FBXO11: variants seen among roughly 807,000 people sequenced by gnomAD.
FBXO11 encodes the protein F-box protein 11, also known as F-box only protein 11.
In FBXO11, 13 loss-of-function variants were observed where a neutral mutation model predicts 117.0. The ratio of observed to expected loss-of-function variants is 0.11; its 90% confidence interval spans 0.07 to 0.18. The LOEUF is 0.18. Among genes scored for constraint, FBXO11 ranks in the 10% least tolerant of loss-of-function variants. The pLI, the probability that FBXO11 is intolerant of heterozygous loss-of-function variation, is 1.00. For missense variants in FBXO11, 767 were observed against 1,164.4 expected (o/e 0.66, Z 4.97); for synonymous variants, 490 against 380.5 (o/e 1.29, Z -3.35).
In FBXO11 at chr2:47,813,893, C is replaced by A. The variant is rs772461586; in HGVS notation, c.2007-26G>T. 11 of 1,527,074 alleles carry A rather than the reference C, an allele frequency of 7.2e-6. No individual in the cohort carries two copies. In the Admixed American group the frequency reaches 1.8e-4, roughly 26 times the overall value. 94.6% of individuals were successfully genotyped at this position (1,527,074 alleles called of 1,614,324 possible). On this transcript the variant is annotated intron_variant, in intron 16 of 22. Transcript: ENST00000403359. Reference sequence around the variant, plus strand: ...CTGTAAACAGAATAGACAATAATACCATTTCAATAGCTTCTACTCCCATAT... The same window carrying A: ...CTGTAAACAGAATAGACAATAATACAATTTCAATAGCTTCTACTCCCATAT...
At chr2:47,859,446 G>A (rs996198747) in intron 1 of FBXO11, among the ~76,000 whole-genome samples, 13 of 152,148 alleles carry the variant, frequency 8.5e-5, no homozygotes, top group Non-Finnish European at 1.6e-4. Context: ...TAATTTCACC[G>A]ATTGGTGCTG....
Position 47,807,117 on chromosome 2 carries a change from G to T in FBXO11, c.*1001C>A. The T allele has an allele frequency of 2.1e-6, 1 of 476,142 alleles. No individual in the cohort carries two copies. Among genetic ancestry groups the T allele is most frequent in the Non-Finnish European group, 3.7e-6 (1 of 267,012 alleles). The allele number at this position is 476,142 out of a possible 1,614,324, so 29.5% of individuals were successfully genotyped here. On this transcript the variant is annotated 3_prime_UTR_variant, in exon 23 of 23. Transcript: ENST00000403359. ...CCACTGTCACCAATACACATAAATG[G>T]GGGAGGAAAAGCTATGAAACTGTAT...
chr2:47,852,635 CTT>C (rs1207297502), intron 1 of FBXO11, among the ~76,000 whole-genome samples: 1 of 152,086 alleles, frequency 6.6e-6, no homozygotes, highest in African/African-American at 2.4e-5. Context: ...TCTTTTAAAA[CTT>C]TATTGTATCA....
chr2:47,823,439 G>A, intron 11 of FBXO11, 79 bp from the exon 12 acceptor site: 2 of 1,053,856 alleles, frequency 1.9e-6, no homozygotes, highest in Non-Finnish European at 2.7e-6. Context: ...ACATTTCAAT[G>A]CATATCTAAA....
At chr2:47,829,074 A>G (rs1468568432) in intron 11 of FBXO11, among the ~76,000 whole-genome samples, 1 of 151,804 alleles carries the variant, frequency 6.6e-6, no homozygotes, top group Non-Finnish European at 1.5e-5. Flanking sequence ...GGCACACGCC[A>G]CCACGAGGCA....
At chr2:47,844,783 C>T (rs1673282211) in intron 1 of FBXO11, among the ~76,000 whole-genome samples, 1 of 152,092 alleles carries the variant, frequency 6.6e-6, no homozygotes, top group Non-Finnish European at 1.5e-5. Context: ...TACAGGTGTG[C>T]ACGCCACCAT....
At chr2:47,812,780 T>C (rs548951786) in intron 18 of FBXO11, 2 of 215,206 alleles carry the variant, frequency 9.3e-6, no homozygotes, top group Non-Finnish European at 1.9e-5. Flanking sequence ...AGTTGACCTT[T>C]ATGAATACCA....
At chr2:47,889,550 T>A (rs1234111428) in intron 1 of FBXO11, among the ~76,000 whole-genome samples, 1 of 152,136 alleles carries the variant, frequency 6.6e-6, no homozygotes, top group Non-Finnish European at 1.5e-5. Context: ...AATTCATGTT[T>A]CAAAGTCCTA....
At chr2:47,833,143 A>C (rs1672309514) in intron 7 of FBXO11, 73 bp from the exon 8 acceptor site, 1 of 972,250 alleles carries the variant, frequency 1.0e-6, no homozygotes, top group Non-Finnish European at 1.6e-6. Flanking sequence ...TGGAGGGGGA[A>C]CTTACTAAAA....
intron 1 of FBXO11, among the ~76,000 whole-genome samples, chr2:47,896,375 GCTGGAGTGCAGTGGCTCAATCA>G (rs1352777827): frequency 6.6e-6 from 1 of 150,834 alleles, no homozygotes; most frequent in Non-Finnish European, 1.5e-5. Context: ...TGTCACCCAG[GCTGGAGTGCAGTGGCTCAATCA>G]CAGTTCACTC....
At chr2:47,858,644 T>C (rs1674501700) in intron 1 of FBXO11, among the ~76,000 whole-genome samples, 2 of 139,410 alleles carry the variant, frequency 1.4e-5, no homozygotes, top group Admixed American at 1.5e-4. Context: ...ATCATGTCAT[T>C]GCTCTCCAGC....
At chr2:47,880,042 T>C (rs966844615) in intron 1 of FBXO11, among the ~76,000 whole-genome samples, 1 of 151,976 alleles carries the variant, frequency 6.6e-6, no homozygotes, top group Non-Finnish European at 1.5e-5. Context: ...GTCACCCAGG[T>C]TGGAGTGTAG....
At chr2:47,849,517 C>T (rs1187737880) in intron 1 of FBXO11, among the ~76,000 whole-genome samples, 1 of 152,156 alleles carries the variant, frequency 6.6e-6, no homozygotes, top group Non-Finnish European at 1.5e-5. Flanking sequence ...ATGGACTGTG[C>T]TAGGTATTGG....
At chr2:47,858,349 T>C (rs919353306) in intron 1 of FBXO11, among the ~76,000 whole-genome samples, 28 of 151,832 alleles carry the variant, frequency 1.8e-4, no homozygotes, top group Non-Finnish European at 1.5e-4. Flanking sequence ...TACAGACTGA[T>C]GTCAATAACA....
chr2:47,869,734 G>A (rs377456577), intron 1 of FBXO11, among the ~76,000 whole-genome samples: 2 of 152,370 alleles, frequency 1.3e-5, no homozygotes, highest in African/African-American at 4.8e-5. Flanking sequence ...TTCAAGAAGA[G>A]CAAACCCCAC....
chr2:47,839,297 G>A, intron 3 of FBXO11, 122 bp downstream of exon 3: 1 of 919,624 alleles, frequency 1.1e-6, no homozygotes, highest in Non-Finnish European at 1.6e-6. Context: ...AGTTTATTCT[G>A]TAATAATCAC....
At chr2:47,856,267 CAG>C (rs1674285612) in intron 1 of FBXO11, among the ~76,000 whole-genome samples, 1 of 152,140 alleles carries the variant, frequency 6.6e-6, no homozygotes, top group Non-Finnish European at 1.5e-5. Flanking sequence ...TCCAGACACA[CAG>C]AGACTTATAA....
At chr2:47,818,672 C>A in intron 16 of FBXO11, 107 bp downstream of exon 16, 1 of 722,890 alleles carries the variant, frequency 1.4e-6, no homozygotes, top group Non-Finnish European at 2.4e-6. Flanking sequence ...AATATATATA[C>A]AATAGGGGGA....
chr2:47,822,088 T>A, intron 13 of FBXO11, 130 bp downstream of exon 13: 1 of 678,714 alleles, frequency 1.5e-6, no homozygotes, highest in Non-Finnish European at 2.5e-6. Flanking sequence ...CTCATTTCTT[T>A]AAAAAAGAAA....
Sources: gnomAD v4.1 joint callset for allele counts (sites outside exome capture counted in the v4.1 genomes callset) on GRCh38, gnomAD v4.1.1 for gene constraint, MANE v1.5 for transcripts, NCBI Gene and HGNC (gene_info 2026-07-23, HGNC 2026-07-21) for gene names.